Variants in RNH1 observed in about 807,000 individuals in gnomAD.
The protein encoded by RNH1 is ribonuclease/angiogenin inhibitor 1, also known as ribonuclease inhibitor.
A neutral mutation model predicts 46.1 loss-of-function variants in RNH1; 38 were observed. The ratio of observed to expected loss-of-function variants is 0.82; its 90% CI spans 0.64 to 1.08. RNH1 has a LOEUF of 1.08. RNH1 is among the 50% of genes least tolerant of loss of function. RNH1 has a pLI of 0.00. For missense variants in RNH1, 577 were observed against 590.7 expected (o/e 0.98, Z 0.24); for synonymous variants, 319 against 279.1 (o/e 1.14, Z -1.43).
In RNH1 at chr11:494,879, A is replaced by G; in HGVS notation, c.1298+4T>C. On this transcript the variant is annotated splice_donor_region_variant and intron_variant, in intron 10 of 10. Transcript: ENST00000354420. ...CGCACCACCCGCCCAGCGCGTGCAC[A>G]TACACCAGCTGCTCCAGGAGGCAGC... 1 of 1,611,792 alleles carries G rather than the reference A, an allele frequency of 6.2e-7. No homozygotes were observed.
At chr11:495,989 T>C (rs1431893619) in intron 9 of RNH1, among the ~76,000 whole-genome samples, 1 of 151,156 alleles carries the variant, frequency 6.6e-6, no homozygotes, top group African/African-American at 2.4e-5. Context: ...CTCCCAAAAA[T>C]AAAACAAAAC....
Position 499,308 on chromosome 11 carries a change from C to A in RNH1, c.444-123G>T, listed in dbSNP as rs1014958351. On this transcript the variant is annotated intron_variant, in intron 5 of 10. Transcript: ENST00000354420. ...AGTCTTCTGCCTGGGCATCAGGTGT[C>A]AGTGCTGAGGGACCCCCACAGACTC... is the stretch of plus-strand genomic sequence containing the variant. The A allele has an allele frequency of 1.7e-4, 187 of 1,090,160 alleles. 1 individual carries two copies. The highest frequency in any genetic ancestry group is 1.0e-3 in the South Asian group (69 of 68,808). The allele number at this position is 1,090,160 out of a possible 1,614,324, so 67.5% of individuals were successfully genotyped here.
chr11:496,515 A>G (rs1229710351), intron 9 of RNH1, among the ~76,000 whole-genome samples: 3 of 152,206 alleles, frequency 2.0e-5, no homozygotes, highest in Non-Finnish European at 4.4e-5. Flanking sequence ...TAAAAGTACA[A>G]AAAATTAGCC....
intron 9 of RNH1, among the ~76,000 whole-genome samples, chr11:496,852 C>T (rs1397698576): frequency 6.6e-6 from 1 of 152,246 alleles, no homozygotes; most frequent in African/African-American, 2.4e-5. Context: ...CTGACACAGG[C>T]GGGGTTCCCG....
Position 502,565 on chromosome 11 carries a change from T to A in RNH1, c.-87-316A>T. 1 of 253,794 alleles carries A rather than the reference T, an allele frequency of 3.9e-6. No individual in the cohort carries two copies. The highest frequency in any genetic ancestry group is 7.9e-6 in the Non-Finnish European group (1 of 126,518). The allele number at this position is 253,794 out of a possible 1,614,324, so 15.7% of individuals were successfully genotyped here. A position where few individuals can be genotyped will look rare whatever the true frequency, so the allele number is the denominator to read the frequency against. ...TTGCTTGGGCAAGGACAGGGTAGGG[T>A]GGGGTGGTCTGTGAGCCTGGAGGCC... is the stretch of plus-strand genomic sequence containing the variant. On this transcript the variant is annotated intron_variant, in intron 2 of 10. Transcript: ENST00000354420. This position sits in a 1 kb window ranked among gnomAD's most constrained non-coding sequence, Gnocchi z 5.8.
chr11:496,184 T>C (rs559169093), intron 9 of RNH1, among the ~76,000 whole-genome samples: 12 of 152,182 alleles, frequency 7.9e-5, no homozygotes, highest in Non-Finnish European at 1.3e-4. Context: ...GCCAAGCACA[T>C]GGAACCCCTA....
chr11:498,212 C>A, intron 8 of RNH1, 71 bp from the exon 9 acceptor site: 1 of 1,509,908 alleles, frequency 6.6e-7, no homozygotes, highest in East Asian at 2.3e-5. Flanking sequence ...GGCCCTTCCC[C>A]TGAAGGCCCC....
rs1475371173 is a variant in RNH1 at position 499,190 on chromosome 11, G to A, written c.444-5C>T. On this transcript the variant is annotated splice_region_variant and splice_polypyrimidine_tract_variant and intron_variant, in intron 5 of 10. Transcript: ENST00000354420. ...GAGAGGCTGCAATACTCCAGCCTGG[G>A]GGACAGCAGAGCTCAGCACCACACA... 5.0e-6 allele frequency: 8 copies of A among 1,611,632 alleles called. No individual in the cohort carries two copies. Among genetic ancestry groups the A allele is most frequent in the Non-Finnish European group, 5.9e-6 (7 of 1,179,982 alleles).
Position 499,076 on chromosome 11 carries a change from C to A in RNH1, c.553G>T (p.Ala185Ser), listed in dbSNP as rs746557356. The A allele has an allele frequency of 5.6e-6, 9 of 1,613,384 alleles. No individual in the cohort carries two copies. The African/African-American group carries it at 1.2e-4, about 22-fold the overall frequency. The change falls in exon 6 of 11, where the codon GCT becomes TCT. Residue 185 changes from alanine to serine, a missense_variant. Coordinates refer to ENST00000354420, the MANE Select transcript of RNH1 (RefSeq NM_203387.3). ...CCCTGGCACAGCACACGGACGCCAG[C>A]CTCATTGATGTCGTTGTTGCTAACC... ...LTVSNNDINE[A>S]GVRVLCQGLK...
At chr11:497,864 A>T (rs1849316734) in intron 9 of RNH1, 107 bp downstream of exon 9, 1 of 1,370,054 alleles carries the variant, frequency 7.3e-7, no homozygotes, top group African/African-American at 1.4e-5. Context: ...GCTCACATAC[A>T]CACGGACACT....
At position 502,154 on chromosome 11, in the gene RNH1, C is replaced by G. The variant is rs573801244; in HGVS notation, c.9G>C (p.Leu3=). 6.2e-7 allele frequency: 1 copy of G among 1,600,894 alleles called. No homozygotes were observed. The highest frequency in any genetic ancestry group is 1.1e-5 in the South Asian group (1 of 90,022). Residue 3 remains leucine (L), a synonymous_variant, in exon 3 of 11, where the codon CTG becomes CTC. Transcript: ENST00000354420. The surrounding 1 kb of genome is among the most constrained non-coding windows in gnomAD (Gnocchi z 5.8). MS[L]DIQSLDIQCE... ...ACTGGATGTCCAGGCTCTGGATGTC[C>G]AGGCTCATGGTGGAGGTGAAGAGTG...
At chr11:503,055 A>G (rs1849904801) in intron 2 of RNH1, 1 of 152,274 alleles carries the variant, frequency 6.6e-6, no homozygotes, top group Admixed American at 6.6e-5. Context: ...ACATTCCCTG[A>G]GCACCTGCCA....
intron 8 of RNH1, 136 bp downstream of exon 8, chr11:498,321 C>G (rs190556300): frequency 7.7e-7 from 1 of 1,302,586 alleles, no homozygotes; most frequent in Admixed American, 2.2e-5. Context: ...CCACAGGCTG[C>G]TCCCTGGCCT....
At chr11:499,541 ACGGCCAGG>A (rs1284129201) in intron 5 of RNH1, 1 of 697,708 alleles carries the variant, frequency 1.4e-6, no homozygotes, top group African/African-American at 1.7e-5. Context: ...AACCTGACTC[ACGGCCAGG>A]CATCTGTTCC....
At position 502,609 on chromosome 11, in the gene RNH1, G is replaced by T. The variant is rs1328506915; in HGVS notation, c.-87-360C>A. ...GGAGGCCCCAGCAGGGGAGCAAGGG[G>T]GTCTGTGGGCTTGACCTGTGTCTCA... On this transcript the variant is annotated intron_variant, in intron 2 of 10. Coordinates refer to ENST00000354420, the MANE Select transcript of RNH1 (RefSeq NM_203387.3). The surrounding 1 kb of genome is among the most constrained non-coding windows in gnomAD (Gnocchi z 5.8). The T allele has an allele frequency of 4.6e-6, 1 of 219,192 alleles. No homozygotes were observed. The allele number at this position is 219,192 out of a possible 1,614,324, so 13.6% of individuals were successfully genotyped here. A position where few individuals can be genotyped will look rare whatever the true frequency, so the allele number is the denominator to read the frequency against.
chr11:494,676 G>A lies in RNH1; in HGVS notation c.*15C>T. 32 of 1,612,558 alleles carry A rather than the reference G, an allele frequency of 2.0e-5. No individual in the cohort carries two copies. The highest frequency in any genetic ancestry group is 2.7e-5 in the Non-Finnish European group (32 of 1,179,086). On this transcript the variant is annotated 3_prime_UTR_variant, in exon 11 of 11. Transcript: ENST00000354420. ...CGAGGCCGGTCGTCCAGGGAGAGCA[G>A]CAGCAGGAAGAGCCTCAGGAGATGA...
intron 4 of RNH1, 49 bp from the exon 5 acceptor site, chr11:500,048 C>T (rs1160993405): frequency 1.1e-5 from 16 of 1,481,792 alleles, no homozygotes; most frequent in Admixed American, 2.3e-5. Context: ...CAAGCTGCCA[C>T]GCCCTTCGCC....
intron 5 of RNH1, 161 bp from the exon 6 acceptor site, chr11:499,346 G>T: frequency 1.4e-6 from 1 of 732,152 alleles, no homozygotes; most frequent in Non-Finnish European, 2.3e-6. Flanking sequence ...CCAGAGGCCC[G>T]GGCCTCTGTG....
intron 9 of RNH1, among the ~76,000 whole-genome samples, 194 bp downstream of exon 9, chr11:497,777 A>T (rs557731820): frequency 6.7e-6 from 1 of 148,938 alleles, no homozygotes; most frequent in African/African-American, 2.5e-5. Context: ...ACACGTGCTC[A>T]CTCTCACATG....
Sources: allele counts gnomAD v4.1 joint callset (sites outside exome capture counted in the v4.1 genomes callset), GRCh38; gene constraint gnomAD v4.1.1; non-coding constraint Gnocchi (gnomAD v3.1); transcripts MANE v1.5; gene names NCBI Gene and HGNC (gene_info 2026-07-23, HGNC 2026-07-21).